Variants in SEMA3A observed in about 807,000 individuals in gnomAD.
The protein encoded by SEMA3A is semaphorin-3A.
SEMA3A carries 29 observed loss-of-function variants against 97.9 expected under a neutral mutation model. That is an observed-to-expected ratio of 0.30 (90% CI 0.22 to 0.40). The LOEUF (loss-of-function observed/expected upper bound fraction) is 0.40, where lower values mean the gene tolerates loss of function less well. Ranked by LOEUF, SEMA3A falls within the 10% of genes least tolerant of loss-of-function variation. SEMA3A has a pLI of 1.00. For missense variants in SEMA3A, 763 were observed against 951.3 expected, an observed-to-expected ratio of 0.80 and a Z score of 2.60; for synonymous variants, 321 against 323.7, an observed-to-expected ratio of 0.99 and a Z score of 0.09.
intron 6 of SEMA3A, among the ~76,000 whole-genome samples, chr7:84,028,866 G>A (rs1187892823): frequency 6.6e-6 from 1 of 152,030 alleles, no homozygotes; most frequent in Admixed American, 6.5e-5. Context: ...TGATCTGCCC[G>A]CCTCGGCCTC....
chr7:84,426,281 TA>T (rs1269758409), intron 1 of SEMA3A, among the ~76,000 whole-genome samples: 2 of 108,234 alleles, frequency 1.8e-5, no homozygotes, highest in East Asian at 2.7e-4. Context: ...TATAGACAGA[TA>T]GATAGATAGA....
chr7:84,468,482 CT>C (rs973966646), intron 1 of SEMA3A, among the ~76,000 whole-genome samples: 21 of 152,104 alleles, frequency 1.4e-4, no homozygotes, highest in South Asian at 4.1e-4. Flanking sequence ...AAGTTTTGAT[CT>C]TTTTTTTAAA....
chr7:84,350,043 G>A (rs2116020522), intron 2 of SEMA3A, among the ~76,000 whole-genome samples: 1 of 152,118 alleles, frequency 6.6e-6, no homozygotes, highest in Middle Eastern at 3.4e-3. Context: ...AATTACTAGT[G>A]TTCCCTATTT....
chr7:84,352,469 T>TAATATCACA (rs1802461384), intron 2 of SEMA3A, among the ~76,000 whole-genome samples: 1 of 137,252 alleles, frequency 7.3e-6, no homozygotes, highest in African/African-American at 2.9e-5. Context: ...ACACATTGTA[T>TAATATCACA]GTTGGTATCA....
intron 3 of SEMA3A, among the ~76,000 whole-genome samples, chr7:84,280,146 C>G (rs1478337816): frequency 6.6e-6 from 1 of 152,130 alleles, no homozygotes. Context: ...GATCCTCCAC[C>G]CTGGCCTTCC....
chr7:84,159,792 T>A (rs1293887293), intron 1 of SEMA3A, among the ~76,000 whole-genome samples: 2 of 152,172 alleles, frequency 1.3e-5, no homozygotes, highest in African/African-American at 4.8e-5. Flanking sequence ...ACTGGAAAGA[T>A]CCAATTTTGC....
Position 84,062,174 on chromosome 7 carries a change from G to T in SEMA3A, c.454-1616C>A, listed in dbSNP as rs1415981346. ...ATTACCAGTATAGCAAAATAATATG[G>T]AAATTAACACAGGTTGTTGCCATTA... On this transcript the variant is annotated intron_variant, in intron 4 of 16. Transcript: ENST00000265362. Among the ~76,000 whole-genome samples, 3 of 152,042 alleles carry T rather than the reference G, an allele frequency of 2.0e-5. No homozygotes were observed. The East Asian group carries it at 5.8e-4, about 29-fold the overall frequency.
intron 15 of SEMA3A, among the ~76,000 whole-genome samples, chr7:83,965,775 G>C (rs1292986184): frequency 1.4e-5 from 2 of 137,968 alleles, no homozygotes; most frequent in African/African-American, 2.7e-5. Flanking sequence ...CCGCCTCCCG[G>C]GTTCATGCCA....
intron 2 of SEMA3A, among the ~76,000 whole-genome samples, chr7:84,360,354 G>A (rs539260416): frequency 1.4e-4 from 21 of 151,996 alleles, no homozygotes; most frequent in Non-Finnish European, 2.8e-4. Flanking sequence ...CTCTGTTCTC[G>A]TTGGTTTCAA....
At chr7:84,267,338 A>G (rs1295602234) in intron 3 of SEMA3A, among the ~76,000 whole-genome samples, 1 of 152,136 alleles carries the variant, frequency 6.6e-6, no homozygotes, top group East Asian at 1.9e-4. Context: ...TTTCTTACAC[A>G]TGCATGTACA....
intron 4 of SEMA3A, among the ~76,000 whole-genome samples, chr7:84,069,640 A>G (rs751038037): frequency 3.2e-4 from 49 of 152,108 alleles, no homozygotes; most frequent in Non-Finnish European, 3.5e-4. Context: ...GAAAAAGTAC[A>G]TTATTTTTCT....
intron 9 of SEMA3A, among the ~76,000 whole-genome samples, chr7:84,007,759 T>C (rs746395159): frequency 3.3e-5 from 5 of 152,152 alleles, no homozygotes; most frequent in Non-Finnish European, 5.9e-5. Context: ...ATATGAAACA[T>C]AGAGTACTAA....
chr7:84,380,276 C>T (rs1190835958), intron 1 of SEMA3A, among the ~76,000 whole-genome samples: 1 of 152,122 alleles, frequency 6.6e-6, no homozygotes, highest in Non-Finnish European at 1.5e-5. Flanking sequence ...TAAAAATGTA[C>T]ATTGTCCCAG....
chr7:84,423,133 G>C (rs1562941747), intron 1 of SEMA3A, among the ~76,000 whole-genome samples: 1 of 151,934 alleles, frequency 6.6e-6, no homozygotes, highest in Non-Finnish European at 1.5e-5. Context: ...TGTAACAATA[G>C]AAAAATGTAC....
At chr7:84,003,445 C>CTT (rs970093539) in intron 11 of SEMA3A, among the ~76,000 whole-genome samples, 2 of 152,088 alleles carry the variant, frequency 1.3e-5, no homozygotes, top group African/African-American at 2.4e-5. Flanking sequence ...TGATGTGCAA[C>CTT]TTAGTTAAAA....
In SEMA3A at chr7:84,105,281, G is replaced by T. The variant is rs534271786; in HGVS notation, c.453+5189C>A. Among the ~76,000 whole-genome samples the T allele has an allele frequency of 2.0e-5, 3 of 152,274 alleles. No homozygotes were observed. The South Asian group carries it at 6.2e-4, about 32-fold the overall frequency. On this transcript the variant is annotated intron_variant, in intron 4 of 16. Transcript: ENST00000265362. ...AACTCAACTAGAATGGGTTAGATTA[G>T]AAGTATAAATTAGTTGACAGAGCAT...
At chr7:84,213,721 A>G (rs1001161965) in intron 3 of SEMA3A, among the ~76,000 whole-genome samples, 2 of 152,084 alleles carry the variant, frequency 1.3e-5, no homozygotes, top group Non-Finnish European at 2.9e-5. Flanking sequence ...TTCCTTTTTC[A>G]TATATTTAAT....
At chr7:84,075,178 T>G (rs903425618) in intron 4 of SEMA3A, among the ~76,000 whole-genome samples, 5 of 126,898 alleles carry the variant, frequency 3.9e-5, no homozygotes, top group Non-Finnish European at 8.5e-5. Context: ...GACTTCAACT[T>G]TTTTTTTTTT....
At chr7:84,094,512 T>G (rs761328374) in intron 4 of SEMA3A, among the ~76,000 whole-genome samples, 23 of 152,162 alleles carry the variant, frequency 1.5e-4, no homozygotes, top group Non-Finnish European at 2.4e-4. Context: ...AGCATTCATA[T>G]GCATATAACG....
Sources: gnomAD v4.1 joint callset for allele counts (sites outside exome capture counted in the v4.1 genomes callset) on GRCh38, gnomAD v4.1.1 for gene constraint, MANE v1.5 for transcripts, NCBI Gene and HGNC (gene_info 2026-07-23, HGNC 2026-07-21) for gene names.